Variants in PLEKHM3 observed in about 807,000 individuals in gnomAD.
The protein encoded by PLEKHM3 is pleckstrin homology domain-containing family M member 3.
A neutral mutation model predicts 81.8 loss-of-function variants in PLEKHM3; 45 were observed. The observed-to-expected ratio is 0.55, with a 90% CI of 0.43 to 0.71. The LOEUF (loss-of-function observed/expected upper bound fraction) is 0.71. Among genes scored for constraint, PLEKHM3 ranks in the 30% least tolerant of loss-of-function variants. The pLI, the probability that PLEKHM3 is intolerant of heterozygous loss-of-function variation, is 0.00. For missense variants in PLEKHM3, 788 were observed against 924.3 expected (o/e 0.85, Z 1.91); for synonymous variants, 352 against 356.4 (o/e 0.99, Z 0.14).
At chr2:207,966,789 G>A (rs768543891) in intron 3 of PLEKHM3, among the ~76,000 whole-genome samples, 2 of 151,934 alleles carry the variant, frequency 1.3e-5, no homozygotes, top group Non-Finnish European at 2.9e-5. Context: ...TCCTGACCTC[G>A]TGATCCACCC....
chr2:207,977,067 C>T lies in PLEKHM3; in HGVS notation c.1130G>A (p.Trp377Ter). The T allele has an allele frequency of 1.2e-6, 2 of 1,614,226 alleles. No homozygotes were observed. Among genetic ancestry groups the T allele is most frequent in the Non-Finnish European group, 1.7e-6 (2 of 1,180,038 alleles). The change falls in exon 3 of 8, where the codon TGG becomes TAG. Residue 377 changes from tryptophan (W) to a stop codon, truncating the protein, a stop_gained. Coordinates refer to ENST00000427836, the MANE Select transcript of PLEKHM3 (RefSeq NM_001080475.3). LOFTEE classifies it high-confidence loss of function. ...GCTCAGCACAAATGTAAATGCCTTCCAGTTGTTTTGGACAGTCAGCCTGTA... is the reference window on the plus strand; with the variant it reads ...GCTCAGCACAAATGTAAATGCCTTCTAGTTGTTTTGGACAGTCAGCCTGTA... Reference protein sequence around the residue: ...TLYRLTVQNNWKAFTFVLSRA... With the variant: ...TLYRLTVQNN
chr2:207,857,409 A>G (rs780777422), intron 7 of PLEKHM3, among the ~76,000 whole-genome samples: 2 of 152,074 alleles, frequency 1.3e-5, no homozygotes, highest in African/African-American at 4.8e-5. Flanking sequence ...CTCACTCTGG[A>G]TATCTCATTC....
At chr2:207,871,720 G>C (rs555390111) in intron 6 of PLEKHM3, among the ~76,000 whole-genome samples, 6 of 152,116 alleles carry the variant, frequency 3.9e-5, no homozygotes, top group Non-Finnish European at 8.8e-5. Context: ...ACTTAATGAA[G>C]CATTTGCAAA....
chr2:207,983,472 T>A (rs1482763385), intron 2 of PLEKHM3, among the ~76,000 whole-genome samples: 2 of 151,686 alleles, frequency 1.3e-5, no homozygotes, highest in African/African-American at 2.4e-5. Context: ...ATGATCCAGA[T>A]AGGATCACGG....
At chr2:207,895,748 G>A (rs1688203621) in intron 6 of PLEKHM3, among the ~76,000 whole-genome samples, 2 of 152,138 alleles carry the variant, frequency 1.3e-5, no homozygotes, top group African/African-American at 4.8e-5. Context: ...ATTACCTTCT[G>A]CATGTTCTTA....
chr2:207,948,618 G>A (rs1447565674), intron 3 of PLEKHM3, among the ~76,000 whole-genome samples: 2 of 147,602 alleles, frequency 1.4e-5, no homozygotes, highest in African/African-American at 5.0e-5. Flanking sequence ...ATTTCGGCTC[G>A]CTGCAACCTC....
At chr2:207,902,811 C>CCCAT (rs369952822) in intron 6 of PLEKHM3, among the ~76,000 whole-genome samples, 4,600 of 139,510 alleles carry the variant, frequency 0.033, 279 homozygotes, top group African/African-American at 0.12. Flanking sequence ...CACCCTGTCA[C>CCCAT]CCATCCACCC....
At chr2:207,877,446 G>C (rs1457762360) in intron 6 of PLEKHM3, among the ~76,000 whole-genome samples, 1 of 152,324 alleles carries the variant, frequency 6.6e-6, no homozygotes, top group East Asian at 1.9e-4. Context: ...CACCGGGGCA[G>C]AATTTTGTAG....
At chr2:207,872,655 T>C (rs921765782) in intron 6 of PLEKHM3, among the ~76,000 whole-genome samples, 3 of 152,136 alleles carry the variant, frequency 2.0e-5, no homozygotes, top group Non-Finnish European at 1.5e-5. Context: ...CTGGCCAACA[T>C]GGCGAAACCC....
intron 5 of PLEKHM3, among the ~76,000 whole-genome samples, chr2:207,913,355 A>G (rs1201751990): frequency 6.6e-6 from 1 of 152,152 alleles, no homozygotes; most frequent in Non-Finnish European, 1.5e-5. Flanking sequence ...AAACAGTACT[A>G]TTAATATTTA....
chr2:207,978,020 G>A (rs956129469), intron 2 of PLEKHM3, among the ~76,000 whole-genome samples: 1 of 152,116 alleles, frequency 6.6e-6, no homozygotes, highest in African/African-American at 2.4e-5. Flanking sequence ...CTGGAGGTTG[G>A]AGCTGCAGTG....
At chr2:207,859,658 C>T (rs920614050) in intron 7 of PLEKHM3, among the ~76,000 whole-genome samples, 1 of 151,322 alleles carries the variant, frequency 6.6e-6, no homozygotes, top group Non-Finnish European at 1.5e-5. Context: ...AGTGCAGTGG[C>T]GTAATCTCAG....
chr2:207,930,815 A>C (rs1559242981), intron 5 of PLEKHM3, 111 bp downstream of exon 5: 2 of 1,270,550 alleles, frequency 1.6e-6, no homozygotes, highest in Non-Finnish European at 2.2e-6. Context: ...AGGGCGAGCC[A>C]CAAAATTAGA....
chr2:207,986,838 A>ATTTTT (rs370986896), intron 2 of PLEKHM3, among the ~76,000 whole-genome samples: 10 of 126,298 alleles, frequency 7.9e-5, no homozygotes, highest in African/African-American at 1.6e-4. Flanking sequence ...TGCCCAGCTA[A>ATTTTT]TTTTTTTTTT....
intron 4 of PLEKHM3, among the ~76,000 whole-genome samples, chr2:207,942,485 C>T (rs1421510756): frequency 3.3e-5 from 5 of 152,122 alleles, no homozygotes; most frequent in African/African-American, 9.7e-5. Context: ...GCACTCCACA[C>T]CTTGAAAAAA....
chr2:207,925,057 TG>T (rs1689341645), intron 5 of PLEKHM3, among the ~76,000 whole-genome samples: 1 of 151,056 alleles, frequency 6.6e-6, no homozygotes, highest in South Asian at 2.1e-4. Context: ...ACGTCAGAAG[TG>T]AGTGGGCAAA....
chr2:207,905,501 A>G (rs1688573378), intron 6 of PLEKHM3, among the ~76,000 whole-genome samples: 1 of 152,210 alleles, frequency 6.6e-6, no homozygotes, highest in Admixed American at 6.5e-5. Flanking sequence ...TTTCCATTAC[A>G]TATTTGCAAG....
chr2:207,910,587 C>T (rs532005691), intron 5 of PLEKHM3, among the ~76,000 whole-genome samples: 1 of 152,312 alleles, frequency 6.6e-6, no homozygotes, highest in African/African-American at 2.4e-5. Context: ...AAGGCCTATG[C>T]TCCTTCTAAT....
intron 7 of PLEKHM3, among the ~76,000 whole-genome samples, chr2:207,842,662 G>A (rs144007803): frequency 6.6e-6 from 1 of 152,256 alleles, no homozygotes; most frequent in East Asian, 1.9e-4. Context: ...AACATTCGTT[G>A]GAACTTCTGT....
Sources: allele counts gnomAD v4.1 joint callset (sites outside exome capture counted in the v4.1 genomes callset), GRCh38; gene constraint gnomAD v4.1.1; transcripts MANE v1.5; gene names NCBI Gene and HGNC (gene_info 2026-07-23, HGNC 2026-07-21).